The following TAFA4 variants were observed in gnomAD, a reference collection of about 807,000 sequenced individuals.
The protein encoded by TAFA4 is chemokine-like protein TAFA-4.
A neutral mutation model predicts 21.1 loss-of-function variants in TAFA4; 20 were observed. The ratio of observed to expected loss-of-function variants is 0.95; its 90% CI spans 0.67 to 1.38. The LOEUF is 1.38. Ranked by LOEUF, TAFA4 falls within the 40% of genes most tolerant of loss-of-function variation. TAFA4 has a pLI of 0.00. For missense variants in TAFA4, 211 were observed against 180.9 expected (o/e 1.17, Z -0.95); for synonymous variants, 71 against 67.4 (o/e 1.05, Z -0.26).
At chr3:68,848,142 C>G (rs1024599063) in intron 3 of TAFA4, among the ~76,000 whole-genome samples, 8 of 152,162 alleles carry the variant, frequency 5.3e-5, no homozygotes, top group Admixed American at 5.2e-4. Flanking sequence ...AATAGCAGAA[C>G]CAAGCTTGGA....
chr3:68,879,454 A>G (rs1338550190), intron 3 of TAFA4, among the ~76,000 whole-genome samples: 1 of 152,162 alleles, frequency 6.6e-6, no homozygotes, highest in African/African-American at 2.4e-5. Context: ...GAAATGCTTC[A>G]CTTGTCAACT....
chr3:68,826,934 A>T (rs181825803), intron 3 of TAFA4, among the ~76,000 whole-genome samples: 94 of 152,250 alleles, frequency 6.2e-4, no homozygotes, highest in African/African-American at 2.2e-3. Context: ...TGTGCACAAC[A>T]TGCAGGTTTT....
chr3:68,861,387 G>A (rs2089342250), intron 3 of TAFA4, among the ~76,000 whole-genome samples: 2 of 151,914 alleles, frequency 1.3e-5, no homozygotes, highest in Admixed American at 6.6e-5. Flanking sequence ...AAAGAAAAAT[G>A]TCCTGTTTGA....
chr3:68,887,310 G>A lies in TAFA4; in HGVS notation c.-122-2000C>T, dbSNP rs552966844. On this transcript the variant is annotated intron_variant, in intron 1 of 5. Coordinates refer to ENST00000295569, the MANE Select transcript of TAFA4 (RefSeq NM_182522.5). ...CCTGCATCCTGGACATGCTACAGCAGGAATTAGGTTGCCAATGCCACGGGC... is the reference window on the plus strand; with the variant it reads ...CCTGCATCCTGGACATGCTACAGCAAGAATTAGGTTGCCAATGCCACGGGC... Among the ~76,000 whole-genome samples the A allele has an allele frequency of 5.0e-4, 76 of 152,342 alleles. 1 individual carries two copies. Among genetic ancestry groups the A allele is most frequent in the African/African-American group, 1.6e-3 (67 of 41,574 alleles).
At chr3:68,921,933 AT>A (rs973391511) in intron 1 of TAFA4, among the ~76,000 whole-genome samples, 1 of 152,232 alleles carries the variant, frequency 6.6e-6, no homozygotes, top group Non-Finnish European at 1.5e-5. Context: ...CAGAAAACAC[AT>A]CTTATGCTCT....
chr3:68,883,244 A>T (rs1422009788), intron 2 of TAFA4, among the ~76,000 whole-genome samples: 5 of 151,864 alleles, frequency 3.3e-5, no homozygotes, highest in African/African-American at 1.2e-4. Context: ...TTTTCTTGGG[A>T]CTCTCTGTAT....
At position 68,927,741 on chromosome 3, in the gene TAFA4, A is replaced by C. The variant is rs144936064; in HGVS notation, c.-123+4499T>G. ...TGCTGAGACTCTGTCTCTAGAAAAA[A>C]TAACAAATTAGCTGGGCGTGATGGT... On this transcript the variant is annotated intron_variant, in intron 1 of 5. Transcript: ENST00000295569. Among the ~76,000 whole-genome samples the C allele has an allele frequency of 5.7e-3, 873 of 152,128 alleles. 6 individuals carry two copies. Among genetic ancestry groups the C allele is most frequent in the Admixed American group, 9.7e-3 (148 of 15,270 alleles).
chr3:68,783,542 G>C (rs1309385292), intron 3 of TAFA4, among the ~76,000 whole-genome samples: 1 of 152,004 alleles, frequency 6.6e-6, no homozygotes, highest in Non-Finnish European at 1.5e-5. Flanking sequence ...AAAGAAAATG[G>C]AAAGGGGACA....
chr3:68,830,025 G>C (rs749870020), intron 3 of TAFA4, among the ~76,000 whole-genome samples: 3 of 152,148 alleles, frequency 2.0e-5, no homozygotes, highest in Non-Finnish European at 4.4e-5. Context: ...TGTGGTATCA[G>C]TGGTGATATC....
At chr3:68,881,597 CT>C (rs2089619106) in intron 2 of TAFA4, among the ~76,000 whole-genome samples, 1 of 152,058 alleles carries the variant, frequency 6.6e-6, no homozygotes, top group African/African-American at 2.4e-5. Context: ...TTTTTGTTTG[CT>C]TTTTTTATAT....
In TAFA4 at chr3:68,888,539, T is replaced by C. The variant is rs568624861; in HGVS notation, c.-122-3229A>G. ...AGTATTTGTTATAGCAATAACGCCATTCTCTGTACCAATTTTTTGCCTTAG... is the reference window on the plus strand; with the variant it reads ...AGTATTTGTTATAGCAATAACGCCACTCTCTGTACCAATTTTTTGCCTTAG... On this transcript the variant is annotated intron_variant, in intron 1 of 5. Transcript: ENST00000295569. Among the ~76,000 whole-genome samples the C allele has an allele frequency of 3.3e-5, 5 of 152,334 alleles. No homozygotes were observed. In the South Asian group the frequency reaches 1.0e-3, roughly 32 times the overall value.
intron 3 of TAFA4, among the ~76,000 whole-genome samples, chr3:68,845,866 G>A (rs1704777453): frequency 6.6e-6 from 1 of 152,176 alleles, no homozygotes; most frequent in African/African-American, 2.4e-5. Context: ...GGATTGTAGG[G>A]TTTCTGCTGA....
At chr3:68,779,891 C>T (rs1703123662) in intron 3 of TAFA4, among the ~76,000 whole-genome samples, 1 of 152,172 alleles carries the variant, frequency 6.6e-6, no homozygotes. Flanking sequence ...ACAGCTTGCA[C>T]CGTGCTGCTG....
Position 68,782,107 on chromosome 3 carries a change from A to T in TAFA4, c.131-29089T>A, listed in dbSNP as rs567272858. Among the ~76,000 whole-genome samples the T allele has an allele frequency of 8.5e-5, 13 of 152,302 alleles. No homozygotes were observed. The South Asian group carries it at 2.7e-3, about 32-fold the overall frequency. ...AATATCTGGAAAATCTATATCTGACAAGGGTCTAGTATCCAGAATACATCA... is the reference window on the plus strand; with the variant it reads ...AATATCTGGAAAATCTATATCTGACTAGGGTCTAGTATCCAGAATACATCA... On this transcript the variant is annotated intron_variant, in intron 3 of 5. Transcript: ENST00000295569.
At chr3:68,862,576 A>T (rs1423521850) in intron 3 of TAFA4, among the ~76,000 whole-genome samples, 3 of 152,104 alleles carry the variant, frequency 2.0e-5, no homozygotes, top group Non-Finnish European at 2.9e-5. Context: ...CTACCCCTTC[A>T]GGAAGGCCTG....
At chr3:68,885,563 G>A (rs774799173) in intron 1 of TAFA4, among the ~76,000 whole-genome samples, 34 of 152,256 alleles carry the variant, frequency 2.2e-4, no homozygotes, top group Middle Eastern at 3.4e-3. Flanking sequence ...TCTGCAGCAG[G>A]AAGGGTATTC....
intron 3 of TAFA4, among the ~76,000 whole-genome samples, chr3:68,764,116 T>C (rs1001721131): frequency 4.6e-5 from 7 of 152,068 alleles, no homozygotes; most frequent in Non-Finnish European, 1.0e-4. Context: ...GGATTGTATT[T>C]GGAGATAGAG....
At chr3:68,887,278 T>C (rs1575658627) in intron 1 of TAFA4, among the ~76,000 whole-genome samples, 2 of 152,232 alleles carry the variant, frequency 1.3e-5, no homozygotes, top group Admixed American at 6.5e-5. Flanking sequence ...CCTTTGGCTC[T>C]GTATGTCCTG....
intron 4 of TAFA4, among the ~76,000 whole-genome samples, chr3:68,746,615 T>C (rs1046041282): frequency 1.3e-5 from 2 of 152,194 alleles, no homozygotes; most frequent in African/African-American, 2.4e-5. Context: ...CCATACCAAC[T>C]TGACCCAGCT....
Sources: allele counts gnomAD v4.1 joint callset (sites outside exome capture counted in the v4.1 genomes callset), GRCh38; gene constraint gnomAD v4.1.1; transcripts MANE v1.5; gene names NCBI Gene and HGNC (gene_info 2026-07-23, HGNC 2026-07-21).